Variants in IPCEF1 observed in about 807,000 individuals in gnomAD.
IPCEF1 encodes the protein interactor protein for cytohesin exchange factors 1.
IPCEF1 carries 31 observed loss-of-function variants against 50.9 expected under a neutral mutation model. That is an observed-to-expected ratio of 0.61 (90% confidence interval 0.46 to 0.82). The LOEUF is 0.82. Ranked by LOEUF, IPCEF1 falls within the 40% of genes least tolerant of loss-of-function variation. IPCEF1 has a pLI of 0.00. For synonymous variants in IPCEF1, 181 were observed against 192.0 expected, an observed-to-expected ratio of 0.94 and a Z score of 0.47; for missense variants, 458 against 514.0, an observed-to-expected ratio of 0.89 and a Z score of 1.05.
intron 1 of IPCEF1, among the ~76,000 whole-genome samples, chr6:154,338,543 G>C (rs1562295093): frequency 6.6e-6 from 1 of 152,150 alleles, no homozygotes; most frequent in Non-Finnish European, 1.5e-5. Context: ...GAGTTAGACA[G>C]TCAGATGCTT....
At chr6:154,215,436 A>C (rs1173015186) in intron 7 of IPCEF1, among the ~76,000 whole-genome samples, 1 of 151,944 alleles carries the variant, frequency 6.6e-6, no homozygotes, top group Non-Finnish European at 1.5e-5. Flanking sequence ...AAACCCCGTC[A>C]CTACTTAAAA....
chr6:154,236,624 T>G (rs79883844), intron 5 of IPCEF1, among the ~76,000 whole-genome samples: 2,389 of 152,332 alleles, frequency 0.016, 71 homozygotes, highest in African/African-American at 0.054. Flanking sequence ...AAATGCATTT[T>G]CCAAGGTAAG....
intron 1 of IPCEF1, among the ~76,000 whole-genome samples, chr6:154,345,232 G>A (rs760702015): frequency 7.9e-5 from 12 of 152,326 alleles, no homozygotes; most frequent in Middle Eastern, 6.8e-3. Flanking sequence ...TAAGATATTT[G>A]TAGTAACTAT....
chr6:154,268,284 G>C (rs1562573055), intron 2 of IPCEF1, among the ~76,000 whole-genome samples: 1 of 152,224 alleles, frequency 6.6e-6, no homozygotes, highest in African/African-American at 2.4e-5. Flanking sequence ...GAGTCTGGGG[G>C]TGGGGTAGGT....
At chr6:154,286,970 TC>T (rs907678112) in intron 2 of IPCEF1, among the ~76,000 whole-genome samples, 1 of 152,192 alleles carries the variant, frequency 6.6e-6, no homozygotes, top group Non-Finnish European at 1.5e-5. Context: ...GGGGTGGATT[TC>T]CCCTTGTTCT....
At chr6:154,355,350 G>A (rs892812845) in intron 1 of IPCEF1, among the ~76,000 whole-genome samples, 3 of 152,150 alleles carry the variant, frequency 2.0e-5, no homozygotes, top group African/African-American at 7.2e-5. Context: ...ATAAAAAGAG[G>A]AATGGAAGGA....
At chr6:154,348,083 G>A (rs369691472) in intron 1 of IPCEF1, among the ~76,000 whole-genome samples, 13 of 151,994 alleles carry the variant, frequency 8.6e-5, no homozygotes, top group Non-Finnish European at 1.3e-4. Flanking sequence ...CTCTCTCCCC[G>A]TGCTGGCTTC....
chr6:154,191,207 A>G (rs1320455826), intron 10 of IPCEF1, among the ~76,000 whole-genome samples: 2 of 152,234 alleles, frequency 1.3e-5, no homozygotes, highest in East Asian at 3.8e-4. Context: ...AAGAGGTAGT[A>G]AAAAAGATGA....
intron 1 of IPCEF1, among the ~76,000 whole-genome samples, chr6:154,319,697 T>G (rs1783322926): frequency 6.6e-6 from 1 of 152,200 alleles, no homozygotes; most frequent in Non-Finnish European, 1.5e-5. Flanking sequence ...CTTATTTAAA[T>G]TTAAAAAGCC....
At chr6:154,294,932 C>T (rs1210088462) in intron 1 of IPCEF1, among the ~76,000 whole-genome samples, 1 of 152,076 alleles carries the variant, frequency 6.6e-6, no homozygotes, top group Non-Finnish European at 1.5e-5. Context: ...GGCGTGGTAA[C>T]TCATGCCTGT....
chr6:154,178,993 T>A (rs1382105216), intron 10 of IPCEF1, among the ~76,000 whole-genome samples: 1 of 152,074 alleles, frequency 6.6e-6, no homozygotes, highest in Non-Finnish European at 1.5e-5. Context: ...ATCTAAGAGG[T>A]CTACAACATA....
At chr6:154,177,447 A>T (rs991700775) in intron 10 of IPCEF1, among the ~76,000 whole-genome samples, 2 of 152,224 alleles carry the variant, frequency 1.3e-5, no homozygotes, top group African/African-American at 4.8e-5. Context: ...TATAAGAAAA[A>T]AACAAACAAC....
At chr6:154,243,585 A>G (rs1418199035) in intron 5 of IPCEF1, among the ~76,000 whole-genome samples, 2 of 152,240 alleles carry the variant, frequency 1.3e-5, no homozygotes, top group Non-Finnish European at 2.9e-5. Flanking sequence ...GGATTCAATG[A>G]CAATGAGATC....
intron 9 of IPCEF1, among the ~76,000 whole-genome samples, chr6:154,209,805 C>T (rs1351729663): frequency 6.6e-6 from 1 of 151,994 alleles, no homozygotes; most frequent in East Asian, 1.9e-4. Context: ...AGGAGGAACA[C>T]ATTCTGTTTC....
intron 10 of IPCEF1, among the ~76,000 whole-genome samples, chr6:154,174,484 A>G (rs781508946): frequency 4.6e-5 from 7 of 152,324 alleles, no homozygotes; most frequent in Non-Finnish European, 1.0e-4. Flanking sequence ...AGATCTATCA[A>G]GCAAATGGAA....
chr6:154,214,890 T>C (rs994669253), intron 7 of IPCEF1, among the ~76,000 whole-genome samples: 7 of 152,136 alleles, frequency 4.6e-5, no homozygotes, highest in Admixed American at 1.3e-4. Flanking sequence ...ATAACAAAAA[T>C]AGAACGAGAC....
At chr6:154,190,477 A>C (rs1206482304) in intron 10 of IPCEF1, among the ~76,000 whole-genome samples, 3 of 152,234 alleles carry the variant, frequency 2.0e-5, no homozygotes, top group Admixed American at 6.5e-5. Context: ...CCCACCTACT[A>C]GCATGGCGAA....
chr6:154,289,879 A>C (rs941300991), intron 1 of IPCEF1, 123 bp from the exon 2 acceptor site: 1 of 152,162 alleles, frequency 6.6e-6, no homozygotes, highest in African/African-American at 2.4e-5. Context: ...CCCAAGAATA[A>C]GCAACAGAAC....
At chr6:154,294,663 C>A (rs921844880) in intron 1 of IPCEF1, among the ~76,000 whole-genome samples, 2 of 151,610 alleles carry the variant, frequency 1.3e-5, no homozygotes, top group African/African-American at 2.4e-5. Context: ...AGCCTACCAG[C>A]AGAACTCTCA....
Sources: gnomAD v4.1 joint callset for allele counts (sites outside exome capture counted in the v4.1 genomes callset) on GRCh38, gnomAD v4.1.1 for gene constraint, MANE v1.5 for transcripts, NCBI Gene and HGNC (gene_info 2026-07-23, HGNC 2026-07-21) for gene names.